The following LRRC4C variants were observed in gnomAD, a reference collection of about 807,000 sequenced individuals.
LRRC4C encodes leucine-rich repeat-containing protein 4C.
A neutral mutation model predicts 33.6 loss-of-function variants in LRRC4C; 5 were observed. The observed-to-expected ratio is 0.15, with a 90% confidence interval of 0.08 to 0.31. The LOEUF (loss-of-function observed/expected upper bound fraction) is 0.31, where lower values mean the gene tolerates loss of function less well. LRRC4C is among the 10% of genes least tolerant of loss of function. LRRC4C has a pLI of 1.00. For synonymous variants in LRRC4C, 329 were observed against 302.0 expected (o/e 1.09, Z -0.93); for missense variants, 560 against 796.7 (o/e 0.70, Z 3.58).
chr11:41,206,799 A>G (rs2136292212), intron 1 of LRRC4C, among the ~76,000 whole-genome samples: 1 of 152,186 alleles, frequency 6.6e-6, no homozygotes, highest in South Asian at 2.1e-4. Context: ...TCCCTGTATA[A>G]TCTCAATCCT....
chr11:40,267,266 G>A (rs944720183), intron 4 of LRRC4C, among the ~76,000 whole-genome samples: 6 of 152,154 alleles, frequency 3.9e-5, no homozygotes, highest in Non-Finnish European at 8.8e-5. Context: ...AGTTGTAACT[G>A]AATTACTGTA....
chr11:40,297,622 G>A (rs1438879676), intron 4 of LRRC4C, among the ~76,000 whole-genome samples: 1 of 151,802 alleles, frequency 6.6e-6, no homozygotes, highest in African/African-American at 2.4e-5. Flanking sequence ...GCCGACCCAT[G>A]ATGGCTACTC....
chr11:40,549,310 C>T (rs1451704195), intron 3 of LRRC4C, among the ~76,000 whole-genome samples: 1 of 152,170 alleles, frequency 6.6e-6, no homozygotes, highest in Non-Finnish European at 1.5e-5. Context: ...CTCATGTCAA[C>T]TGCAATGTCA....
chr11:40,844,746 A>C (rs1953077456), intron 2 of LRRC4C, among the ~76,000 whole-genome samples: 2 of 152,152 alleles, frequency 1.3e-5, no homozygotes, highest in African/African-American at 4.8e-5. Flanking sequence ...TGCATCCTTT[A>C]TAGGTAGCTA....
intron 2 of LRRC4C, among the ~76,000 whole-genome samples, chr11:40,932,030 G>T (rs1481087508): frequency 2.0e-5 from 3 of 152,096 alleles, no homozygotes; most frequent in Non-Finnish European, 2.9e-5. Flanking sequence ...ACCTCAAGGG[G>T]CTGAGACTCT....
intron 1 of LRRC4C, among the ~76,000 whole-genome samples, chr11:41,006,003 C>T (rs966566846): frequency 2.6e-5 from 4 of 151,926 alleles, no homozygotes; most frequent in Non-Finnish European, 5.9e-5. Flanking sequence ...CCTTCCTTCT[C>T]AGTTATTTAA....
chr11:41,000,866 A>G (rs1020271382), intron 1 of LRRC4C, among the ~76,000 whole-genome samples: 6 of 152,198 alleles, frequency 3.9e-5, no homozygotes, highest in African/African-American at 1.4e-4. Context: ...CCAAAGTCCC[A>G]TAGTGCATTG....
intron 1 of LRRC4C, among the ~76,000 whole-genome samples, chr11:41,027,858 A>C (rs940581750): frequency 1.1e-4 from 17 of 151,702 alleles, no homozygotes; most frequent in African/African-American, 4.1e-4. Flanking sequence ...TGAATTATTT[A>C]GTTTTTCTTC....
chr11:40,593,924 G>A (rs1959166704), intron 3 of LRRC4C, among the ~76,000 whole-genome samples: 1 of 152,162 alleles, frequency 6.6e-6, no homozygotes, highest in African/African-American at 2.4e-5. Flanking sequence ...TAATTTTAGA[G>A]GAAGGTTCTA....
At chr11:40,576,864 C>T (rs1958214103) in intron 3 of LRRC4C, among the ~76,000 whole-genome samples, 2 of 152,102 alleles carry the variant, frequency 1.3e-5, no homozygotes, top group African/African-American at 2.4e-5. Context: ...ATATTTAATA[C>T]ATAGTATGCG....
intron 3 of LRRC4C, among the ~76,000 whole-genome samples, chr11:40,377,378 T>C (rs765235359): frequency 9.2e-5 from 14 of 152,172 alleles, no homozygotes; most frequent in Non-Finnish European, 1.9e-4. Flanking sequence ...TAGCACTTTC[T>C]GAGCTGTTGA....
At chr11:41,217,425 C>T (rs1382911693) in intron 1 of LRRC4C, among the ~76,000 whole-genome samples, 4 of 152,188 alleles carry the variant, frequency 2.6e-5, no homozygotes, top group African/African-American at 9.6e-5. Flanking sequence ...GCAACTTGCC[C>T]AAGGTCAAAC....
intron 1 of LRRC4C, among the ~76,000 whole-genome samples, chr11:41,286,304 A>G (rs1949826241): frequency 6.6e-6 from 1 of 152,246 alleles, no homozygotes; most frequent in South Asian, 2.1e-4. Context: ...TTAACGTTAT[A>G]CAGGATCATT....
chr11:40,163,382 G>A (rs552054033), intron 5 of LRRC4C, among the ~76,000 whole-genome samples: 1 of 152,232 alleles, frequency 6.6e-6, no homozygotes, highest in South Asian at 2.1e-4. Flanking sequence ...TTCAATGTCT[G>A]AATGACAGTA....
At chr11:41,062,318 A>T (rs1054119127) in intron 1 of LRRC4C, among the ~76,000 whole-genome samples, 1 of 152,140 alleles carries the variant, frequency 6.6e-6, no homozygotes, top group African/African-American at 2.4e-5. Flanking sequence ...TCACATATAA[A>T]TGGGAGCTAA....
intron 3 of LRRC4C, among the ~76,000 whole-genome samples, chr11:40,478,015 C>A (rs940975774): frequency 6.6e-6 from 1 of 152,158 alleles, no homozygotes; most frequent in Non-Finnish European, 1.5e-5. Context: ...TGTTTCTTTG[C>A]CTGCTGTCAT....
chr11:41,225,556 T>C (rs1947494275), intron 1 of LRRC4C, among the ~76,000 whole-genome samples: 1 of 152,158 alleles, frequency 6.6e-6, no homozygotes. Flanking sequence ...CCCAGCACTT[T>C]GGGAGGCCAA....
chr11:40,624,830 T>C (rs1389233379), intron 3 of LRRC4C, among the ~76,000 whole-genome samples: 1 of 152,172 alleles, frequency 6.6e-6, no homozygotes, highest in Non-Finnish European at 1.5e-5. Flanking sequence ...TCTGGATAAA[T>C]GACTACCACA....
At chr11:40,205,379 G>C (rs1180356640) in intron 5 of LRRC4C, among the ~76,000 whole-genome samples, 1 of 152,096 alleles carries the variant, frequency 6.6e-6, no homozygotes, top group Non-Finnish European at 1.5e-5. Context: ...GGTTTGAGCA[G>C]CCCAGGGAAA....
Sources: gnomAD v4.1 joint callset for allele counts (sites outside exome capture counted in the v4.1 genomes callset) on GRCh38, gnomAD v4.1.1 for gene constraint, MANE v1.5 for transcripts, NCBI Gene and HGNC (gene_info 2026-07-23, HGNC 2026-07-21) for gene names.